The following KDM2B variants were observed in gnomAD, a reference collection of about 807,000 sequenced individuals.
KDM2B encodes the protein lysine-specific demethylase 2B.
Under a neutral mutation model 150.0 loss-of-function variants are expected in KDM2B, and 26 were observed. The ratio of observed to expected loss-of-function variants is 0.17; its 90% confidence interval spans 0.13 to 0.24. The LOEUF (loss-of-function observed/expected upper bound fraction) is 0.24. Among genes scored for constraint, KDM2B ranks in the 10% least tolerant of loss-of-function variants. The pLI is 1.00. For missense variants in KDM2B, 1,265 were observed against 1,816.9 expected (o/e 0.70, Z 5.52); for synonymous variants, 734 against 729.5 (o/e 1.01, Z -0.10).
chr12:121,465,202 T>C (rs1217289429), intron 12 of KDM2B, among the ~76,000 whole-genome samples: 1 of 152,150 alleles, frequency 6.6e-6, no homozygotes, highest in East Asian at 1.9e-4. Flanking sequence ...TTGGCTACAG[T>C]GAATACAGGT....
At chr12:121,569,898 G>A (rs1278224892) in intron 4 of KDM2B, among the ~76,000 whole-genome samples, 3 of 151,264 alleles carry the variant, frequency 2.0e-5, no homozygotes, top group Admixed American at 2.0e-4. Context: ...GAGTGGAGTG[G>A]AGTGCAGTGG....
chr12:121,440,937 C>A lies in KDM2B; in HGVS notation c.3489G>T (p.Ala1163=). The change falls in exon 21 of 23, where the codon GCG becomes GCT. Residue 1163 remains alanine, a synonymous_variant. Coordinates refer to ENST00000377071, the MANE Select transcript of KDM2B (RefSeq NM_032590.5). ...AACTGGAGCTGCAAAGGGCCGAGAC[C>A]GCGATCCATGAGCAGCCTGACAGCA... The part of the protein sequence containing the change: ...DLVLSGCSWI[A]VSALCSSSCP... 1.9e-6 allele frequency: 3 copies of A among 1,614,068 alleles called. No individual in the cohort carries two copies. Among genetic ancestry groups the A allele is most frequent in the Non-Finnish European group, 2.5e-6 (3 of 1,180,018 alleles).
chr12:121,423,472 G>C, the KDM2B span: 1 of 1,613,824 alleles, frequency 6.2e-7, no homozygotes, highest in Non-Finnish European at 8.5e-7. This position sits in a 1 kb window ranked among gnomAD's most constrained non-coding sequence, Gnocchi z 4.3. Flanking sequence ...TGTCCTACTG[G>C]AGTGTGGGCA....
chr12:121,471,479 G>T (rs1245116581), intron 12 of KDM2B, among the ~76,000 whole-genome samples: 1 of 152,136 alleles, frequency 6.6e-6, no homozygotes, highest in Non-Finnish European at 1.5e-5. Flanking sequence ...ACCCCTGGCT[G>T]CTAAGAGGTT....
intron 22 of KDM2B, among the ~76,000 whole-genome samples, chr12:121,436,377 T>C (rs9634168): frequency 0.38 from 57,440 of 151,672 alleles, 11,063 homozygotes; most frequent in East Asian, 0.44. Context: ...AAAAATTAGC[T>C]GGGCGTGGTG....
the KDM2B span, among the ~76,000 whole-genome samples, chr12:121,421,910 T>C: frequency 6.6e-6 from 1 of 152,198 alleles, no homozygotes; most frequent in Non-Finnish European, 1.5e-5. Flanking sequence ...ACAGCATTTG[T>C]TGATGAACAG....
chr12:121,513,280 A>G lies in KDM2B; in HGVS notation c.1170T>C (p.Leu390=). 6.2e-7 allele frequency: 1 copy of G among 1,613,038 alleles called. No individual in the cohort carries two copies. Among genetic ancestry groups the G allele is most frequent in the Non-Finnish European group, 8.5e-7 (1 of 1,179,610 alleles). Residue 390 remains leucine (L), a synonymous_variant, in exon 10 of 23, where the codon CTT becomes CTC. Transcript: ENST00000377071. This position sits in a 1 kb window ranked among gnomAD's most constrained non-coding sequence, Gnocchi z 5.0. The stretch of plus-strand genomic sequence containing the variant: ...GGCTCCCTCCGGTTCACTCACCAAT[A>G]AGCATCGACTCCCTCTGGTATTCCT... ...LTQEYQRESM[L]IDAPRKPSID...
At chr12:121,574,710 A>T in intron 3 of KDM2B, 117 bp from the exon 4 acceptor site, 1 of 887,228 alleles carries the variant, frequency 1.1e-6, no homozygotes, top group Non-Finnish European at 1.8e-6. Flanking sequence ...CAGTTTGGGA[A>T]CTCAAAATGA....
At chr12:121,441,281 T>C in intron 19 of KDM2B, 48 bp from the exon 20 acceptor site, 1 of 1,575,960 alleles carries the variant, frequency 6.3e-7, no homozygotes, top group Non-Finnish European at 8.7e-7. Flanking sequence ...GGGGCTCCTC[T>C]AGGGAGCCCA....
intron 22 of KDM2B, among the ~76,000 whole-genome samples, chr12:121,437,697 C>A (rs1297703114): frequency 6.6e-6 from 1 of 152,146 alleles, no homozygotes; most frequent in Non-Finnish European, 1.5e-5. Context: ...CGATGGAATT[C>A]GGCCAGAACA....
chr12:121,516,610 CA>C, intron 9 of KDM2B: 1 of 1,115,066 alleles, frequency 9.0e-7, no homozygotes, highest in Non-Finnish European at 1.2e-6. Context: ...CAGTCCAAAA[CA>C]AAAGGCAAGG....
Position 121,442,409 on chromosome 12 carries a change from T to C in KDM2B, c.3032A>G (p.Gln1011Arg). Residue 1011 changes from glutamine to arginine, a missense_variant, in exon 19 of 23, where the codon CAG (glutamine) becomes CGG (arginine). By Grantham distance (43) the Gln-to-Arg change is conservative. Around this residue, in one of 11 missense-constraint regions of KDM2B, gnomAD observed 418 missense variants for 402.4 expected, o/e 1.04. Coordinates refer to ENST00000377071, the MANE Select transcript of KDM2B (RefSeq NM_032590.5). This position sits in a 1 kb window ranked among gnomAD's most constrained non-coding sequence, Gnocchi z 7.7. ...CGGGCTGCGCAGGCTGGGCCCCAGC[T>C]GGTGCCGCAGCTCCCGGGGGGTGCC... ...LNGTPRELRHQLGPSLRSPPR... is the reference protein window; with the variant it reads ...LNGTPRELRHRLGPSLRSPPR... 2 of 1,597,468 alleles carry C rather than the reference T, an allele frequency of 1.3e-6. No individual in the cohort carries two copies. Among genetic ancestry groups the C allele is most frequent in the Non-Finnish European group, 8.5e-7 (1 of 1,176,088 alleles).
rs569973811 is a variant in KDM2B at position 121,505,513 on chromosome 12, G to A, written c.1647+4054C>T. On this transcript the variant is annotated intron_variant, in intron 11 of 22. Transcript: ENST00000377071. Reference sequence around the variant, plus strand: ...GATCATGCCACTGCACTCTAGCCTTGGTGACAGAGTAAGACTCTGTCTCAA... The same window carrying A: ...GATCATGCCACTGCACTCTAGCCTTAGTGACAGAGTAAGACTCTGTCTCAA... Among the ~76,000 whole-genome samples, 5 of 152,102 alleles carry A rather than the reference G, an allele frequency of 3.3e-5. No homozygotes were observed. The South Asian group carries it at 8.3e-4, about 25-fold the overall frequency.
chr12:121,534,081 G>A lies in KDM2B; in HGVS notation c.777+416C>T, dbSNP rs1555308279. Among the ~76,000 whole-genome samples, 4 of 152,242 alleles carry A rather than the reference G, an allele frequency of 2.6e-5. 1 individual carries two copies. The highest frequency in any genetic ancestry group is 4.1e-4 in the South Asian group (2 of 4,820). ...TTTTAAAAAAAAAGCCGGGCACAGT[G>A]GCTCACGCCTCTAATCCCAGCACTT... On this transcript the variant is annotated intron_variant, in intron 7 of 22. Coordinates refer to ENST00000377071, the MANE Select transcript of KDM2B (RefSeq NM_032590.5).
chr12:121,420,254 A>G, the KDM2B span: 2 of 1,608,002 alleles, frequency 1.2e-6, no homozygotes, highest in African/African-American at 2.7e-5. Context: ...ACAAAGTGAA[A>G]TCACTTCAGC....
intron 13 of KDM2B, among the ~76,000 whole-genome samples, chr12:121,448,705 C>T (rs1876719983): frequency 6.6e-6 from 1 of 152,170 alleles, no homozygotes; most frequent in South Asian, 2.1e-4. Context: ...TGTTTGAATT[C>T]TAATAAACAG....
At chr12:121,408,940 T>C in the KDM2B span, among the ~76,000 whole-genome samples, 7 of 151,964 alleles carry the variant, frequency 4.6e-5, no homozygotes, top group African/African-American at 1.4e-4. Context: ...AAGGGATTCA[T>C]TGAAGAATCA....
chr12:121,507,619 T>C (rs1885207646), intron 11 of KDM2B, among the ~76,000 whole-genome samples: 2 of 152,144 alleles, frequency 1.3e-5, no homozygotes, highest in Admixed American at 6.6e-5. Flanking sequence ...AGGCGAGGGA[T>C]AGGAGGAGCC....
rs1885767380 is a variant in KDM2B, at chr12:121,513,511, T to A, written c.1048-109A>T. The A allele has an allele frequency of 8.0e-7, 1 of 1,255,044 alleles. No individual in the cohort carries two copies. The highest frequency in any genetic ancestry group is 1.5e-5 in the African/African-American group (1 of 67,758). The allele number at this position is 1,255,044 out of a possible 1,614,324, so 77.7% of individuals were successfully genotyped here. ...CTGCAGGTGAGGGTCACTGTCATCA[T>A]CTTAGCGAGAGCATGGATGGTCGGG... On this transcript the variant is annotated intron_variant, in intron 9 of 22. Transcript: ENST00000377071. The surrounding 1 kb of genome is among the most constrained non-coding windows in gnomAD (Gnocchi z 5.0).
Sources: allele counts gnomAD v4.1 joint callset (sites outside exome capture counted in the v4.1 genomes callset), GRCh38; gene constraint gnomAD v4.1.1; regional missense constraint gnomAD v4.1.1; non-coding constraint Gnocchi (gnomAD v3.1); transcripts MANE v1.5; gene names NCBI Gene and HGNC (gene_info 2026-07-23, HGNC 2026-07-21).